The following NCF2 variants were observed in gnomAD, a reference collection of about 807,000 sequenced individuals.
NCF2 encodes the protein neutrophil cytosol factor 2.
A neutral mutation model predicts 70.9 loss-of-function variants in NCF2; 45 were observed. The observed-to-expected ratio is 0.63, with a 90% confidence interval of 0.50 to 0.81. The LOEUF (loss-of-function observed/expected upper bound fraction) is 0.81. Among genes scored for constraint, NCF2 ranks in the 40% least tolerant of loss-of-function variants. NCF2 has a pLI of 0.00. For synonymous variants in NCF2, 203 were observed against 233.6 expected (o/e 0.87, Z 1.19); for missense variants, 522 against 631.6 (o/e 0.83, Z 1.86).
intron 2 of NCF2, among the ~76,000 whole-genome samples, chr1:183,581,689 G>A (rs555796950): frequency 6.7e-6 from 1 of 149,774 alleles, no homozygotes; most frequent in South Asian, 2.1e-4. Context: ...TTTTTTTTGA[G>A]ACAGAGTCTC....
At chr1:183,563,828 G>A in intron 11 of NCF2, 177 bp downstream of exon 11, 2 of 830,502 alleles carry the variant, frequency 2.4e-6, no homozygotes, top group Admixed American at 3.7e-5. Context: ...GGAAGTGTGT[G>A]CATGATAGTG....
At chr1:183,577,807 G>T in intron 2 of NCF2, 100 bp from the exon 3 acceptor site, 1 of 882,938 alleles carries the variant, frequency 1.1e-6, no homozygotes, top group South Asian at 1.4e-5. Flanking sequence ...TATTTCACTG[G>T]GACAAGAAGC....
At chr1:183,593,115 A>T (rs1003535808), upstream of NCF2, among the ~76,000 whole-genome samples, 1 of 96,826 alleles carries the variant, frequency 1.0e-5, no homozygotes, top group Admixed American at 1.0e-4. Flanking sequence ...CTCTTCACCA[A>T]TGTATGTGCA....
chr1:183,577,806 G>A (rs1572167112), intron 2 of NCF2, 99 bp from the exon 3 acceptor site: 2 of 883,724 alleles, frequency 2.3e-6, no homozygotes, highest in African/African-American at 3.3e-5. Context: ...CTATTTCACT[G>A]GGACAAGAAG....
intron 13 of NCF2, among the ~76,000 whole-genome samples, chr1:183,561,350 G>A (rs1424461312): frequency 1.3e-5 from 2 of 152,154 alleles, no homozygotes; most frequent in African/African-American, 4.8e-5. Context: ...AATGGCCCTA[G>A]AGAGTCCACA....
At chr1:183,588,652 C>A (rs1322317075) in intron 1 of NCF2, among the ~76,000 whole-genome samples, 1 of 151,732 alleles carries the variant, frequency 6.6e-6, no homozygotes, top group African/African-American at 2.4e-5. Context: ...GTTTACTATA[C>A]AAACTTATAC....
chr1:183,585,327 C>T (rs1283887826), intron 2 of NCF2, among the ~76,000 whole-genome samples: 1 of 152,082 alleles, frequency 6.6e-6, no homozygotes, highest in Admixed American at 6.6e-5. Flanking sequence ...TTTTCACTGT[C>T]AGAAAGTTCT....
chr1:183,599,784 C>G, the NCF2 span, among the ~76,000 whole-genome samples: 1 of 152,008 alleles, frequency 6.6e-6, no homozygotes, highest in African/African-American at 2.4e-5. Context: ...AACTCCTGAC[C>G]TCAGGTGAAA....
At chr1:183,574,953 G>A (rs1242552621) in intron 3 of NCF2, among the ~76,000 whole-genome samples, 3 of 152,234 alleles carry the variant, frequency 2.0e-5, no homozygotes, top group Non-Finnish European at 2.9e-5. Context: ...TGTTGTTTTA[G>A]TATGAGTTGC....
At chr1:183,595,012 C>T (rs756080920), upstream of NCF2, among the ~76,000 whole-genome samples, 4 of 152,166 alleles carry the variant, frequency 2.6e-5, no homozygotes, top group Non-Finnish European at 2.9e-5. Flanking sequence ...GTAGCTGCTC[C>T]GTGATCATTG....
At chr1:183,584,157 A>C (rs933157444) in intron 2 of NCF2, among the ~76,000 whole-genome samples, 3 of 152,248 alleles carry the variant, frequency 2.0e-5, no homozygotes, top group Admixed American at 2.0e-4. Context: ...GGCCTTGCCC[A>C]GGAATGGATC....
chr1:183,557,184 A>T (rs1400856803), intron 14 of NCF2, among the ~76,000 whole-genome samples: 1 of 152,192 alleles, frequency 6.6e-6, no homozygotes, highest in African/African-American at 2.4e-5. Context: ...TGCCAGTAAA[A>T]ATCAGACAAC....
intron 13 of NCF2, among the ~76,000 whole-genome samples, chr1:183,561,728 A>G (rs1672060669): frequency 7.2e-6 from 1 of 138,948 alleles, no homozygotes; most frequent in Middle Eastern, 4.5e-3. Context: ...GATCTGGCCC[A>G]TCTCGGCCTC....
intron 14 of NCF2, among the ~76,000 whole-genome samples, chr1:183,559,024 C>T (rs1278011497): frequency 6.6e-6 from 1 of 152,182 alleles, no homozygotes; most frequent in Admixed American, 6.5e-5. Context: ...GAGAATTAGG[C>T]TGGCAAACCA....
chr1:183,567,263 T>A lies in NCF2; in HGVS notation c.796A>T (p.Ile266Phe). 6.2e-7 allele frequency: 1 copy of A among 1,614,084 alleles called. No homozygotes were observed. Among genetic ancestry groups the A allele is most frequent in the Non-Finnish European group, 8.5e-7 (1 of 1,180,002 alleles). The change falls in exon 8 of 15, where the codon ATT becomes TTT. Residue 266 changes from isoleucine to phenylalanine, a missense_variant. By Grantham distance (21) the Ile-to-Phe change is conservative. Coordinates refer to ENST00000367535, the MANE Select transcript of NCF2 (RefSeq NM_000433.4). ...TTGCCCTTCTTCAAGACAAAGACAATGTTCCCTGGCATGACCTGGAGCTCT... is the reference window on the plus strand; with the variant it reads ...TTGCCCTTCTTCAAGACAAAGACAAAGTTCCCTGGCATGACCTGGAGCTCT... The part of the protein sequence containing the change: ...KEELQVMPGN[I>F]VFVLKKGNDN...
At chr1:183,583,797 T>C (rs1361952194) in intron 2 of NCF2, among the ~76,000 whole-genome samples, 4 of 152,198 alleles carry the variant, frequency 2.6e-5, no homozygotes, top group Non-Finnish European at 5.9e-5. Context: ...CTGGACCACA[T>C]AGGAACAGGC....
chr1:183,586,504 A>G (rs35131781), intron 2 of NCF2, among the ~76,000 whole-genome samples: 3,474 of 152,270 alleles, frequency 0.023, 50 homozygotes, highest in Middle Eastern at 0.034. Flanking sequence ...TTGGAAATGC[A>G]TTTTGCTGGG....
chr1:183,573,227 T>C lies in NCF2; in HGVS notation c.567A>G (p.Gln189=). 5 of 1,614,132 alleles carry C rather than the reference T, an allele frequency of 3.1e-6. No homozygotes were observed. The highest frequency in any genetic ancestry group is 4.2e-6 in the Non-Finnish European group (5 of 1,180,002). Residue 189 remains glutamine, a synonymous_variant, in exon 5 of 15, where the codon CAA becomes CAG. Transcript: ENST00000367535. The stretch of plus-strand genomic sequence containing the variant: ...AATCCTTCTTGGCCAGCTGAGCCAC[T>C]TGTCTCTCATTTGGTCGAAACAGCT... The part of the protein sequence containing the change: ...VGKLFRPNER[Q]VAQLAKKDYL...
chr1:183,561,299 C>T (rs987883999), intron 13 of NCF2, among the ~76,000 whole-genome samples: 1 of 152,036 alleles, frequency 6.6e-6, no homozygotes, highest in Non-Finnish European at 1.5e-5. Context: ...GTTTGTTGAA[C>T]GTTGGTATAT....
Sources: allele counts gnomAD v4.1 joint callset (sites outside exome capture counted in the v4.1 genomes callset), GRCh38; gene constraint gnomAD v4.1.1; transcripts MANE v1.5; gene names NCBI Gene and HGNC (gene_info 2026-07-23, HGNC 2026-07-21).